The following MYBL1 variants were observed in gnomAD, a reference collection of about 807,000 sequenced individuals.
MYBL1 encodes the protein MYB proto-oncogene like 1.
In MYBL1, 17 loss-of-function variants were observed where a neutral mutation model predicts 96.3. The ratio of observed to expected loss-of-function variants is 0.18; its 90% CI spans 0.12 to 0.26. The LOEUF (loss-of-function observed/expected upper bound fraction) is 0.26, where lower values mean the gene tolerates loss of function less well. Ranked by LOEUF, MYBL1 falls within the 10% of genes least tolerant of loss-of-function variation. The pLI is 1.00. For synonymous variants in MYBL1, 282 were observed against 292.7 expected (o/e 0.96, Z 0.37); for missense variants, 701 against 882.9 (o/e 0.79, Z 2.61).
chr8:66,590,198 C>G (rs1297959069), intron 8 of MYBL1, among the ~76,000 whole-genome samples: 1 of 152,078 alleles, frequency 6.6e-6, no homozygotes, highest in Non-Finnish European at 1.5e-5. Flanking sequence ...TCACCAGTTG[C>G]CTCATAATAC....
chr8:66,600,236 C>T (rs533030498), intron 3 of MYBL1, among the ~76,000 whole-genome samples: 29 of 152,300 alleles, frequency 1.9e-4, no homozygotes, highest in African/African-American at 7.0e-4. Flanking sequence ...TAGTGATTCA[C>T]AGTTTACAAA....
intron 6 of MYBL1, among the ~76,000 whole-genome samples, chr8:66,594,876 C>T (rs1809789947): frequency 6.6e-6 from 1 of 152,140 alleles, no homozygotes; most frequent in African/African-American, 2.4e-5. Context: ...TGGTAGAAAA[C>T]TACTAAGTCC....
In MYBL1 at chr8:66,564,653, G is replaced by C. The variant is rs765360615; in HGVS notation, c.*44C>G. The C allele has an allele frequency of 2.1e-5, 31 of 1,483,980 alleles. No individual in the cohort carries two copies. Among genetic ancestry groups the C allele is most frequent in the Admixed American group, 1.0e-4 (5 of 48,068 alleles). The allele number at this position is 1,483,980 out of a possible 1,614,324, so 91.9% of individuals were successfully genotyped here. ...TTTCACTGCAACCTAATTTAGTAGA[G>C]ACTGCAGTAAGGGAGTGGGGCATTT... On this transcript the variant is annotated 3_prime_UTR_variant, in exon 16 of 16. Coordinates refer to ENST00000522677, the MANE Select transcript of MYBL1 (RefSeq NM_001080416.4).
chr8:66,576,598 C>T (rs1342577363), intron 9 of MYBL1, among the ~76,000 whole-genome samples: 1 of 151,994 alleles, frequency 6.6e-6, no homozygotes, highest in African/African-American at 2.4e-5. Flanking sequence ...GTAGTTGAAG[C>T]TTACTGTCAA....
intron 8 of MYBL1, among the ~76,000 whole-genome samples, chr8:66,581,340 T>A (rs908448318): frequency 1.3e-5 from 2 of 152,150 alleles, no homozygotes. Flanking sequence ...ACCATAAACT[T>A]TGTGACTTAC....
intron 9 of MYBL1, among the ~76,000 whole-genome samples, chr8:66,579,818 T>C (rs1809126598): frequency 6.6e-6 from 1 of 152,162 alleles, no homozygotes; most frequent in South Asian, 2.1e-4. Context: ...TACATCAAAT[T>C]ATTAACTCTG....
At chr8:66,589,488 T>C (rs573259955) in intron 8 of MYBL1, among the ~76,000 whole-genome samples, 30 of 152,112 alleles carry the variant, frequency 2.0e-4, no homozygotes, top group Non-Finnish European at 7.4e-5. Flanking sequence ...CTAATTTATT[T>C]ATTTATTTTT....
At position 66,606,459 on chromosome 8, in the gene MYBL1, A is replaced by T. The variant is rs1193491771; in HGVS notation, c.21-3936T>A. ...AGAGCAAAATTTGAAGATTTGTTTA[A>T]CCTTACTCTAATATAGTTAAGCGCA... On this transcript the variant is annotated intron_variant, in intron 1 of 15. Transcript: ENST00000522677. Among the ~76,000 whole-genome samples the T allele has an allele frequency of 2.6e-5, 4 of 152,200 alleles. No homozygotes were observed. The East Asian group carries it at 7.7e-4, about 29-fold the overall frequency.
intron 12 of MYBL1, 128 bp from the exon 13 acceptor site, chr8:66,567,120 A>G: frequency 1.7e-6 from 1 of 583,802 alleles, no homozygotes; most frequent in Non-Finnish European, 3.0e-6. Flanking sequence ...CTATAGATAC[A>G]TTAATTAAAT....
intron 12 of MYBL1, among the ~76,000 whole-genome samples, chr8:66,571,047 T>C (rs1808709070): frequency 6.6e-6 from 1 of 152,048 alleles, no homozygotes; most frequent in Admixed American, 6.6e-5. Context: ...ATTAATTAAA[T>C]CAAGTAAACT....
intron 9 of MYBL1, among the ~76,000 whole-genome samples, chr8:66,578,924 T>C (rs1326716780): frequency 6.6e-6 from 1 of 152,198 alleles, no homozygotes; most frequent in Non-Finnish European, 1.5e-5. Flanking sequence ...GTTCATGTCC[T>C]TTGTAGGGAC....
chr8:66,601,819 C>T, intron 2 of MYBL1, 50 bp from the exon 3 acceptor site: 1 of 939,372 alleles, frequency 1.1e-6, no homozygotes, highest in Non-Finnish European at 1.6e-6. Flanking sequence ...TCCTTTTCCT[C>T]TACCCCTAAA....
intron 8 of MYBL1, among the ~76,000 whole-genome samples, chr8:66,583,503 C>A (rs1809296706): frequency 6.6e-6 from 1 of 150,640 alleles, no homozygotes; most frequent in African/African-American, 2.4e-5. Flanking sequence ...CTGAGACAAA[C>A]AAATACAAAT....
At position 66,572,485 on chromosome 8, in the gene MYBL1, A is replaced by G; in HGVS notation, c.1725T>C (p.Ile575=). The G allele has an allele frequency of 6.6e-7, 1 of 1,523,616 alleles. No homozygotes were observed. Among genetic ancestry groups the G allele is most frequent in the South Asian group, 1.2e-5 (1 of 83,514 alleles). 94.4% of individuals were successfully genotyped at this position (1,523,616 alleles called of 1,614,324 possible). The change falls in exon 12 of 16, where the codon ATT becomes ATC. Residue 575 remains isoleucine, a synonymous_variant. Coordinates refer to ENST00000522677, the MANE Select transcript of MYBL1 (RefSeq NM_001080416.4). ...AAAATAAAATGAATATACATACCAC[A>G]ATTTTAAGAGGTCCATATTTTTTCT... ...AQEKKYGPLK[I]VSQPLAFLEE...
intron 1 of MYBL1, among the ~76,000 whole-genome samples, chr8:66,609,646 T>C (rs1810452904): frequency 6.6e-6 from 1 of 152,014 alleles, no homozygotes; most frequent in Admixed American, 6.5e-5. Context: ...TTAACAGCAA[T>C]ATTGAGGAGA....
intron 4 of MYBL1, among the ~76,000 whole-genome samples, chr8:66,598,143 G>T (rs1809926962): frequency 6.6e-6 from 1 of 152,068 alleles, no homozygotes; most frequent in Admixed American, 6.5e-5. Flanking sequence ...TTCACTATAT[G>T]TGTCTATTTA....
intron 8 of MYBL1, among the ~76,000 whole-genome samples, chr8:66,586,283 C>T (rs1228862127): frequency 2.0e-5 from 3 of 151,926 alleles, no homozygotes; most frequent in Non-Finnish European, 4.4e-5. Flanking sequence ...TGAGCTCAAG[C>T]AATCTACCCA....
In MYBL1 at chr8:66,566,664, A is replaced by C. The variant is rs550566687; in HGVS notation, c.1950+20T>G. 3.3e-5 allele frequency: 50 copies of C among 1,497,804 alleles called. No individual in the cohort carries two copies. The Admixed American group carries it at 8.9e-4, about 27-fold the overall frequency. The allele number at this position is 1,497,804 out of a possible 1,614,324, so 92.8% of individuals were successfully genotyped here. A position where few individuals can be genotyped will look rare whatever the true frequency, so the allele number is the denominator to read the frequency against. On this transcript the variant is annotated intron_variant, in intron 14 of 15. Coordinates refer to ENST00000522677, the MANE Select transcript of MYBL1 (RefSeq NM_001080416.4). Reference sequence around the variant, plus strand: ...TAAAGCAACCATTTAAAATAACAACAATAATAATCCTTTACAAACCTGCAT... The same window carrying C: ...TAAAGCAACCATTTAAAATAACAACCATAATAATCCTTTACAAACCTGCAT...
At chr8:66,602,615 AATC>A (rs1288123762) in intron 1 of MYBL1, 92 bp from the exon 2 acceptor site, 3 of 696,454 alleles carry the variant, frequency 4.3e-6, no homozygotes, top group Non-Finnish European at 6.8e-6. Flanking sequence ...TGACTGAAGA[AATC>A]ATACAGACTA....
Sources: allele counts gnomAD v4.1 joint callset (sites outside exome capture counted in the v4.1 genomes callset), GRCh38; gene constraint gnomAD v4.1.1; transcripts MANE v1.5; gene names NCBI Gene and HGNC (gene_info 2026-07-23, HGNC 2026-07-21).